The following KSR2 variants were observed in gnomAD, a reference collection of about 807,000 sequenced individuals.
KSR2 encodes the protein kinase suppressor of ras 2.
In KSR2, 25 loss-of-function variants were observed where a neutral mutation model predicts 107.8. The observed-to-expected ratio is 0.23, with a 90% confidence interval of 0.17 to 0.32. The LOEUF (loss-of-function observed/expected upper bound fraction) is 0.32. Ranked by LOEUF, KSR2 falls within the 10% of genes least tolerant of loss-of-function variation. The pLI is 1.00. For missense variants in KSR2, 887 were observed against 1,268.9 expected, an observed-to-expected ratio of 0.70 and a Z score of 4.57; for synonymous variants, 480 against 507.0, an observed-to-expected ratio of 0.95 and a Z score of 0.71.
intron 5 of KSR2, among the ~76,000 whole-genome samples, chr12:117,624,760 G>C (rs1882380386): frequency 6.6e-6 from 1 of 152,142 alleles, no homozygotes; most frequent in Admixed American, 6.6e-5. Flanking sequence ...GAAAGTCATT[G>C]GTAGCTTGAT....
chr12:117,859,139 C>G (rs550584596), intron 2 of KSR2, among the ~76,000 whole-genome samples: 1 of 81,094 alleles, frequency 1.2e-5, no homozygotes, highest in Non-Finnish European at 2.2e-5. Flanking sequence ...ATGAGCTGAA[C>G]TTTTTTTTTT....
At chr12:117,908,628 G>A (rs1403855447) in intron 1 of KSR2, among the ~76,000 whole-genome samples, 2 of 152,210 alleles carry the variant, frequency 1.3e-5, no homozygotes, top group Admixed American at 6.5e-5. Context: ...ACAAGAATGA[G>A]AGTGCATTGC....
intron 1 of KSR2, among the ~76,000 whole-genome samples, chr12:117,947,166 AAAAGAAAG>A (rs369965872): frequency 2.1e-5 from 2 of 95,724 alleles, no homozygotes; most frequent in Non-Finnish European, 2.2e-5. Flanking sequence ...ACACTCTGTC[AAAAGAAAG>A]AAAGAAAGAA....
chr12:117,634,416 C>T (rs1048270594), intron 5 of KSR2, among the ~76,000 whole-genome samples: 2 of 152,102 alleles, frequency 1.3e-5, no homozygotes, highest in African/African-American at 4.8e-5. Flanking sequence ...TCTACCTGGC[C>T]CTCCTCAAGT....
intron 4 of KSR2, among the ~76,000 whole-genome samples, chr12:117,706,161 G>A (rs1444991172): frequency 1.3e-5 from 2 of 149,964 alleles, no homozygotes; most frequent in African/African-American, 4.9e-5. Flanking sequence ...CTCCTGCCTC[G>A]GCCTCCCAAG....
intron 4 of KSR2, among the ~76,000 whole-genome samples, chr12:117,737,654 A>G (rs763910387): frequency 5.9e-5 from 9 of 151,998 alleles, no homozygotes; most frequent in Non-Finnish European, 1.3e-4. Context: ...ATGGTGGTAC[A>G]TGCTAGTAGT....
At chr12:117,648,011 A>G (rs7968932) in intron 5 of KSR2, among the ~76,000 whole-genome samples, 4,701 of 152,216 alleles carry the variant, frequency 0.031, 242 homozygotes, top group African/African-American at 0.11. Context: ...ACCCAGCCTA[A>G]CCCTGTCTTT....
chr12:117,943,876 T>G (rs192108208), intron 1 of KSR2, among the ~76,000 whole-genome samples: 3 of 152,252 alleles, frequency 2.0e-5, no homozygotes, highest in East Asian at 3.9e-4. Context: ...TCTCACAAGA[T>G]CTGATAATTT....
intron 14 of KSR2, among the ~76,000 whole-genome samples, chr12:117,489,650 C>A (rs1872646504): frequency 6.6e-6 from 1 of 152,080 alleles, no homozygotes; most frequent in South Asian, 2.1e-4. Flanking sequence ...CACTGATACC[C>A]AAGGTATCCT....
chr12:117,572,813 A>G (rs2136219715), intron 7 of KSR2, among the ~76,000 whole-genome samples: 1 of 152,314 alleles, frequency 6.6e-6, no homozygotes, highest in African/African-American at 2.4e-5. Context: ...CAAGAAATGC[A>G]GATAGGGGTA....
intron 5 of KSR2, among the ~76,000 whole-genome samples, chr12:117,651,486 G>A (rs1028023094): frequency 1.3e-5 from 2 of 152,208 alleles, no homozygotes; most frequent in Non-Finnish European, 2.9e-5. Flanking sequence ...GTGGGATAAT[G>A]GGGGAAGGAA....
At chr12:117,929,531 G>C (rs144607067) in intron 1 of KSR2, among the ~76,000 whole-genome samples, 101 of 152,194 alleles carry the variant, frequency 6.6e-4, no homozygotes, top group African/African-American at 2.3e-3. Flanking sequence ...CCCAGTCTTG[G>C]GTATGTCTTT....
At chr12:117,693,157 G>A (rs1159713070) in intron 4 of KSR2, among the ~76,000 whole-genome samples, 3 of 152,092 alleles carry the variant, frequency 2.0e-5, no homozygotes, top group Non-Finnish European at 4.4e-5. Flanking sequence ...GGTTCTGGAG[G>A]TCTTTACCAC....
chr12:117,717,712 T>TGTGTGTGTGCGCGCGC (rs1209120329), intron 4 of KSR2, among the ~76,000 whole-genome samples: 4 of 137,176 alleles, frequency 2.9e-5, no homozygotes, highest in African/African-American at 1.0e-4. Context: ...TGTGTGTGTG[T>TGTGTGTGTGCGCGCGC]GCATGCGCGC....
intron 4 of KSR2, among the ~76,000 whole-genome samples, chr12:117,733,564 A>C (rs1887814883): frequency 6.6e-6 from 1 of 152,218 alleles, no homozygotes; most frequent in Admixed American, 6.5e-5. Context: ...AACAGAGCTG[A>C]ATGGATACAA....
At chr12:117,635,638 C>T (rs1161666513) in intron 5 of KSR2, among the ~76,000 whole-genome samples, 1 of 152,088 alleles carries the variant, frequency 6.6e-6, no homozygotes, top group East Asian at 1.9e-4. Flanking sequence ...TATTTTTAAT[C>T]AAGGTTTACA....
chr12:117,683,280 T>G (rs1885444620), intron 4 of KSR2, among the ~76,000 whole-genome samples: 1 of 152,054 alleles, frequency 6.6e-6, no homozygotes, highest in Non-Finnish European at 1.5e-5. Flanking sequence ...GGAAAAAAAT[T>G]CTAGAAAACA....
At position 117,525,227 on chromosome 12, in the gene KSR2, C is replaced by G. The variant is rs375107117; in HGVS notation, c.1852-8G>C. On this transcript the variant is annotated splice_region_variant and splice_polypyrimidine_tract_variant and intron_variant, in intron 13 of 19. Transcript: ENST00000339824. ...ATCATGGACCTCTTCATTCTGTGGCCGGAGTGGGAGAGAGGTCAGAATTGT... is the reference window on the plus strand; with the variant it reads ...ATCATGGACCTCTTCATTCTGTGGCGGGAGTGGGAGAGAGGTCAGAATTGT... 2.5e-6 allele frequency: 4 copies of G among 1,579,712 alleles called. No individual in the cohort carries two copies. The African/African-American group carries it at 5.4e-5, about 21-fold the overall frequency.
At chr12:117,560,352 T>C (rs147631112) in intron 7 of KSR2, among the ~76,000 whole-genome samples, 2 of 152,204 alleles carry the variant, frequency 1.3e-5, no homozygotes, top group African/African-American at 4.8e-5. Context: ...TGGTCTTTCA[T>C]GGCTCTGATG....
Sources: allele counts gnomAD v4.1 joint callset (sites outside exome capture counted in the v4.1 genomes callset), GRCh38; gene constraint gnomAD v4.1.1; transcripts MANE v1.5; gene names NCBI Gene and HGNC (gene_info 2026-07-23, HGNC 2026-07-21).